SLC39A8: variants seen among roughly 807,000 people sequenced by gnomAD.
The protein encoded by SLC39A8 is solute carrier family 39 member 8.
Under a neutral mutation model 40.4 loss-of-function variants are expected in SLC39A8, and 15 were observed. The observed-to-expected ratio is 0.37, with a 90% CI of 0.25 to 0.57. The LOEUF (loss-of-function observed/expected upper bound fraction) is 0.57, where lower values mean the gene tolerates loss of function less well. Among genes scored for constraint, SLC39A8 ranks in the 20% least tolerant of loss-of-function variants. The pLI is 0.75. For missense variants in SLC39A8, 472 were observed against 558.8 expected, an observed-to-expected ratio of 0.84 and a Z score of 1.57; for synonymous variants, 223 against 221.6, an observed-to-expected ratio of 1.01 and a Z score of -0.06.
intron 6 of SLC39A8, among the ~76,000 whole-genome samples, chr4:102,272,412 G>A (rs1252537622): frequency 2.0e-5 from 3 of 150,772 alleles, no homozygotes; most frequent in Non-Finnish European, 4.4e-5. Flanking sequence ...CCGAGCCTGG[G>A]TGACAGAGTG....
At chr4:102,263,238 C>T (rs1258770646) in intron 8 of SLC39A8, 45 bp from the exon 9 acceptor site, 23 of 1,567,062 alleles carry the variant, frequency 1.5e-5, no homozygotes, top group Non-Finnish European at 2.0e-5. Context: ...CATCTTGTGG[C>T]AAACCACAAA....
At chr4:102,342,676 C>T (rs1735996713) in intron 2 of SLC39A8, among the ~76,000 whole-genome samples, 1 of 152,112 alleles carries the variant, frequency 6.6e-6, no homozygotes, top group South Asian at 2.1e-4. Flanking sequence ...AAACAGGTGT[C>T]AAGATACATA....
At chr4:102,301,115 C>T (rs1733906127) in intron 6 of SLC39A8, among the ~76,000 whole-genome samples, 1 of 151,996 alleles carries the variant, frequency 6.6e-6, no homozygotes, top group Non-Finnish European at 1.5e-5. Context: ...CTTCTTATTC[C>T]TGGAAGTGTA....
chr4:102,262,504 C>T lies in SLC39A8; in HGVS notation c.*540G>A. The T allele has an allele frequency of 1.4e-5, 14 of 985,192 alleles. No homozygotes were observed. Among genetic ancestry groups the T allele is most frequent in the Non-Finnish European group, 1.7e-5 (14 of 829,638 alleles). The allele number at this position is 985,192 out of a possible 1,614,324, so 61.0% of individuals were successfully genotyped here. On this transcript the variant is annotated 3_prime_UTR_variant, in exon 9 of 9. Transcript: ENST00000356736. ...TTCCTAATTGAAATACAAAACAGAA[C>T]AAAAAGCTGTGAGAAATCTTTTTTT...
intron 6 of SLC39A8, among the ~76,000 whole-genome samples, chr4:102,279,900 G>A (rs909599191): frequency 6.6e-6 from 1 of 152,148 alleles, no homozygotes; most frequent in African/African-American, 2.4e-5. Context: ...AGAGAGAAAA[G>A]TGGTAGAGTA....
At position 102,307,545 on chromosome 4, in the gene SLC39A8, A is replaced by G. The variant is rs1303526102; in HGVS notation, c.443T>C (p.Ile148Thr). The G allele has an allele frequency of 6.2e-7, 1 of 1,613,394 alleles. No homozygotes were observed. Among genetic ancestry groups the G allele is most frequent in the East Asian group, 2.2e-5 (1 of 44,850 alleles). Residue 148 changes from isoleucine to threonine, a missense_variant, in exon 4 of 9, where the codon ATT (isoleucine) becomes ACT (threonine). Physicochemically the swap from Ile to Thr is moderately conservative, Grantham distance 89. Coordinates refer to ENST00000356736, the MANE Select transcript of SLC39A8 (RefSeq NM_001135146.2). ...AGATTTCTTTATCAGTGGAGTCAAA[A>G]TCAATCCGAGGAGAGATGCCAGATT... ...IINLASLLGL[I>T]LTPLIKKSYF...
At chr4:102,292,965 A>G (rs946901144) in intron 6 of SLC39A8, among the ~76,000 whole-genome samples, 1 of 152,074 alleles carries the variant, frequency 6.6e-6, no homozygotes, top group African/African-American at 2.4e-5. Flanking sequence ...TATCAGAGTC[A>G]GATTTAAACT....
In SLC39A8 at chr4:102,305,091, T is replaced by C; in HGVS notation, c.573A>G (p.Lys191=). 1 of 1,608,192 alleles carries C rather than the reference T, an allele frequency of 6.2e-7. No homozygotes were observed. The highest frequency in any genetic ancestry group is 8.5e-7 in the Non-Finnish European group (1 of 1,177,564). The change falls in exon 5 of 9, where the codon AAA becomes AAG. Residue 191 remains lysine, a synonymous_variant. Coordinates refer to ENST00000356736, the MANE Select transcript of SLC39A8 (RefSeq NM_001135146.2). ...LIPEAFGFDP[K]VDSYVEKAVA... is the part of the protein sequence containing the mutation. ...CTGCCTTCTCAACATAACTGTCGAC[T>C]TTGGGATCAAATCCAAATGCCTAAG...
chr4:102,257,820 T>C (rs1295124469), downstream of SLC39A8, among the ~76,000 whole-genome samples: 1 of 152,234 alleles, frequency 6.6e-6, no homozygotes, highest in African/African-American at 2.4e-5. Flanking sequence ...AAATACATGC[T>C]CTGTCATAAT....
downstream of SLC39A8, among the ~76,000 whole-genome samples, chr4:102,257,631 A>G (rs1731737569): frequency 6.6e-6 from 1 of 152,148 alleles, no homozygotes; most frequent in Admixed American, 6.5e-5. Context: ...TCTGGAGGCA[A>G]AAAGCAGGAT....
intron 6 of SLC39A8, among the ~76,000 whole-genome samples, chr4:102,279,373 G>A (rs960959681): frequency 6.6e-6 from 1 of 152,126 alleles, no homozygotes; most frequent in African/African-American, 2.4e-5. Context: ...CTAATGATCA[G>A]GGGGAATTGA....
downstream of SLC39A8, chr4:102,259,423 C>T (rs1343560332): frequency 2.8e-6 from 4 of 1,419,398 alleles, no homozygotes; most frequent in African/African-American, 1.4e-5. Flanking sequence ...CATGCAAGCC[C>T]ACCCATTAAA....
In SLC39A8 at chr4:102,344,508, A is replaced by T; in HGVS notation, c.155T>A (p.Leu52Gln). 3 of 1,557,754 alleles carry T rather than the reference A, an allele frequency of 1.9e-6. No individual in the cohort carries two copies. Among genetic ancestry groups the T allele is most frequent in the South Asian group, 2.4e-5 (2 of 84,002 alleles). Residue 52 changes from leucine (L) to glutamine (Q), a missense_variant, in exon 2 of 9, where the codon CTG becomes CAG. By Grantham distance (113) the Leu-to-Gln change is moderately radical (BLOSUM62 -2). This residue lies in a region of SLC39A8 where 175 missense variants were observed against 160.5 expected (regional missense o/e 1.09). Transcript: ENST00000356736. ...GCGGGAGGCGGCTCCCATCTGCTCC[A>T]GCAAGTGCTGGAGCTGCGCCGCCGA... ...SLSAAQLQHL[L>Q]EQMGAASRVG... is the part of the protein sequence containing the mutation.
At position 102,344,486 on chromosome 4, in the gene SLC39A8, G is replaced by A; in HGVS notation, c.177C>T (p.Ser59=). The A allele has an allele frequency of 6.4e-7, 1 of 1,551,588 alleles. No individual in the cohort carries two copies. Among genetic ancestry groups the A allele is most frequent in the African/African-American group, 1.4e-5 (1 of 72,514 alleles). ...GGCCAGGCTCCGGGACGCCCACGCG[G>A]GAGGCGGCTCCCATCTGCTCCAGCA... ...QHLLEQMGAA[S]RVGVPEPGQL... is the part of the protein sequence containing the mutation. Residue 59 remains serine, a synonymous_variant, in exon 2 of 9, where the codon TCC becomes TCT. Transcript: ENST00000356736.
downstream of SLC39A8, among the ~76,000 whole-genome samples, chr4:102,259,688 T>C (rs191684282): frequency 6.6e-6 from 1 of 152,208 alleles, no homozygotes; most frequent in Non-Finnish European, 1.5e-5. Context: ...ATTATGATGA[T>C]CTCTGGTTAC....
At position 102,283,611 on chromosome 4, in the gene SLC39A8, T is replaced by C. The variant is rs183597641; in HGVS notation, c.841-15532A>G. Among the ~76,000 whole-genome samples, 11 of 136,826 alleles carry C rather than the reference T, an allele frequency of 8.0e-5. No homozygotes were observed. In the East Asian group the frequency reaches 2.4e-3, roughly 30 times the overall value. The allele number at this position is 136,826 out of a possible 152,430, so 89.8% of individuals were successfully genotyped here. On this transcript the variant is annotated intron_variant, in intron 6 of 8. Coordinates refer to ENST00000356736, the MANE Select transcript of SLC39A8 (RefSeq NM_001135146.2). ...GAAAAAAAACACCATCCTAGAGCTT[T>C]CAAATCCACTACATATAATCTACTG...
intron 2 of SLC39A8, among the ~76,000 whole-genome samples, chr4:102,341,220 T>G (rs1735926561): frequency 6.6e-6 from 1 of 152,192 alleles, no homozygotes; most frequent in Non-Finnish European, 1.5e-5. Flanking sequence ...CTGCAAGATA[T>G]ATATCAAAAA....
intron 6 of SLC39A8, among the ~76,000 whole-genome samples, chr4:102,282,388 A>C (rs1033651324): frequency 4.6e-5 from 7 of 152,220 alleles, no homozygotes; most frequent in Non-Finnish European, 1.0e-4. Flanking sequence ...TATGCACAAC[A>C]TGGAAAGGAT....
At chr4:102,253,820 CA>C (rs1396591265) in intron 11 of SLC39A8, among the ~76,000 whole-genome samples, 1 of 152,032 alleles carries the variant, frequency 6.6e-6, no homozygotes, top group Non-Finnish European at 1.5e-5. Context: ...ACATATATAA[CA>C]AAAAGTGTGG....
Sources: allele counts gnomAD v4.1 joint callset (sites outside exome capture counted in the v4.1 genomes callset), GRCh38; gene constraint gnomAD v4.1.1; regional missense constraint gnomAD v4.1.1; transcripts MANE v1.5; gene names NCBI Gene and HGNC (gene_info 2026-07-23, HGNC 2026-07-21).